UGCG: variants seen among roughly 807,000 people sequenced by gnomAD.
UGCG encodes ceramide glucosyltransferase.
A neutral mutation model predicts 49.5 loss-of-function variants in UGCG; 10 were observed. The observed-to-expected ratio is 0.20, with a 90% confidence interval of 0.12 to 0.34. The LOEUF (loss-of-function observed/expected upper bound fraction) is 0.34, where lower values mean the gene tolerates loss of function less well. Ranked by LOEUF, UGCG falls within the 10% of genes least tolerant of loss-of-function variation. UGCG has a pLI of 1.00. For missense variants in UGCG, 312 were observed against 483.7 expected, an observed-to-expected ratio of 0.65 and a Z score of 3.33; for synonymous variants, 182 against 158.2, an observed-to-expected ratio of 1.15 and a Z score of -1.13.
In UGCG at chr9:111,897,151, CT is replaced by C. The variant is rs1305548149; in HGVS notation, c.-64del. The C allele has an allele frequency of 6.8e-7, 1 of 1,464,820 alleles. No homozygotes were observed. Among genetic ancestry groups the C allele is most frequent in the African/African-American group, 1.4e-5 (1 of 70,748 alleles). 90.7% of individuals were successfully genotyped at this position (1,464,820 alleles called of 1,614,324 possible). A position where few individuals can be genotyped will look rare whatever the true frequency, so the allele number is the denominator to read the frequency against. On this transcript the variant is annotated 5_prime_UTR_variant, in exon 1 of 9. Coordinates refer to ENST00000374279, the MANE Select transcript of UGCG (RefSeq NM_003358.3). ...CGCACCGGGCGCCCACCCTGTCCTC[CT>C]CCTGCGGGAGCGTTGTCCGTGTTGG...
chr9:111,932,601 CAGTG>C (rs1169608844), intron 8 of UGCG, among the ~76,000 whole-genome samples: 3 of 152,144 alleles, frequency 2.0e-5, no homozygotes, highest in Admixed American at 1.3e-4. Flanking sequence ...TTAATTAAAT[CAGTG>C]AGTATTGAAA....
At chr9:111,898,778 A>G (rs1837713264) in intron 1 of UGCG, among the ~76,000 whole-genome samples, 1 of 152,140 alleles carries the variant, frequency 6.6e-6, no homozygotes, top group South Asian at 2.1e-4. Context: ...TTTTGTGACT[A>G]TCCTTCCAAT....
intron 1 of UGCG, 117 bp from the exon 2 acceptor site, chr9:111,914,488 A>T (rs2118539246): frequency 9.6e-7 from 1 of 1,045,534 alleles, no homozygotes; most frequent in African/African-American, 1.6e-5. Flanking sequence ...TTTTAGAAAG[A>T]TGTCAAGTTT....
intron 2 of UGCG, among the ~76,000 whole-genome samples, chr9:111,921,559 G>A (rs576925933): frequency 6.6e-6 from 1 of 151,734 alleles, no homozygotes; most frequent in South Asian, 2.1e-4. Context: ...GCTGAGGCAG[G>A]CGAATCGATT....
chr9:111,922,969 T>C lies in UGCG; in HGVS notation c.343+18T>C. On this transcript the variant is annotated intron_variant, in intron 3 of 8. Coordinates refer to ENST00000374279, the MANE Select transcript of UGCG (RefSeq NM_003358.3). ...GTTTATAGGTAAGTAACAAATTCTG[T>C]AGTAACCATTTTCCATTGATAGTAT... 6.6e-7 allele frequency: 1 copy of C among 1,512,472 alleles called. No homozygotes were observed. The allele number at this position is 1,512,472 out of a possible 1,614,324, so 93.7% of individuals were successfully genotyped here.
At chr9:111,925,639 C>T (rs947987537) in intron 4 of UGCG, among the ~76,000 whole-genome samples, 2 of 152,152 alleles carry the variant, frequency 1.3e-5, no homozygotes, top group Admixed American at 1.3e-4. Context: ...TATTTAAGGT[C>T]CAAATACAAC....
rs796872781 is a variant in UGCG, at chr9:111,912,454, C to T, written c.99-2151C>T. ...GTTAGCTGGGCATGGTGGTGCATGC[C>T]TGTAATCCCAGCTACTTGGGAGGCT... On this transcript the variant is annotated intron_variant, in intron 1 of 8. Transcript: ENST00000374279. 1.2e-4 allele frequency among the ~76,000 whole-genome samples: 18 copies of T among 152,090 alleles called. 1 individual carries two copies. The highest frequency in any genetic ancestry group is 4.1e-4 in the African/African-American group (17 of 41,458).
intron 2 of UGCG, among the ~76,000 whole-genome samples, chr9:111,916,073 GT>G (rs1838105058): frequency 1.3e-5 from 2 of 151,880 alleles, no homozygotes; most frequent in Admixed American, 6.6e-5. Flanking sequence ...GTATATACTT[GT>G]TTTTTCAAAC....
chr9:111,911,949 TA>T (rs1474900267), intron 1 of UGCG, among the ~76,000 whole-genome samples: 4 of 38,678 alleles, frequency 1.0e-4, no homozygotes, highest in South Asian at 6.7e-4. Context: ...TATATATATA[TA>T]TATATATTCA....
At chr9:111,909,429 T>C (rs1207302957) in intron 1 of UGCG, among the ~76,000 whole-genome samples, 1 of 152,234 alleles carries the variant, frequency 6.6e-6, no homozygotes, top group Non-Finnish European at 1.5e-5. Context: ...TCCAACACAC[T>C]GGTCATGGCC....
At chr9:111,912,588 A>T (rs1227322841) in intron 1 of UGCG, among the ~76,000 whole-genome samples, 9 of 152,192 alleles carry the variant, frequency 5.9e-5, no homozygotes, top group African/African-American at 1.4e-4. Flanking sequence ...AAAAAAATAA[A>T]AAAAAAAAAA....
At chr9:111,908,463 T>A (rs1343706902) in intron 1 of UGCG, among the ~76,000 whole-genome samples, 7 of 152,236 alleles carry the variant, frequency 4.6e-5, no homozygotes, top group Non-Finnish European at 1.0e-4. Flanking sequence ...TCTGGGGTTC[T>A]GCTAATACTG....
At position 111,934,063 on chromosome 9, in the gene UGCG, T is replaced by C. The variant is rs1354567771; in HGVS notation, c.*1066T>C. On this transcript the variant is annotated 3_prime_UTR_variant, in exon 9 of 9. Transcript: ENST00000374279. The stretch of plus-strand genomic sequence containing the variant: ...GCCATCAATAAATTGCAGTAGAGTA[T>C]TAAGAGGGGACAGGATGAGTTTACT... 6.6e-6 allele frequency: 1 copy of C among 152,140 alleles called. No individual in the cohort carries two copies. Among genetic ancestry groups the C allele is most frequent in the Non-Finnish European group, 1.5e-5 (1 of 68,028 alleles). The allele number at this position is 152,140 out of a possible 1,614,324, so 9.4% of individuals were successfully genotyped here.
At chr9:111,920,782 A>G (rs934338967) in intron 2 of UGCG, among the ~76,000 whole-genome samples, 10 of 152,176 alleles carry the variant, frequency 6.6e-5, no homozygotes, top group African/African-American at 2.2e-4. Flanking sequence ...TATGCTTATC[A>G]TTGGAAGTAA....
chr9:111,931,806 T>TA (rs1191457042), intron 7 of UGCG, among the ~76,000 whole-genome samples: 3 of 152,040 alleles, frequency 2.0e-5, no homozygotes, highest in African/African-American at 7.2e-5. Context: ...GCGAGAGGAC[T>TA]GCTTGAGCCC....
intron 1 of UGCG, among the ~76,000 whole-genome samples, 157 bp from the exon 2 acceptor site, chr9:111,914,448 G>C (rs1458724705): frequency 6.6e-6 from 1 of 152,130 alleles, no homozygotes; most frequent in Non-Finnish European, 1.5e-5. Flanking sequence ...ATGCTTACCT[G>C]GTTCTACTTC....
intron 2 of UGCG, among the ~76,000 whole-genome samples, chr9:111,921,549 G>C (rs1322571986): frequency 1.3e-5 from 2 of 151,684 alleles, no homozygotes; most frequent in Non-Finnish European, 2.9e-5. Context: ...TGTTTGGGAG[G>C]CTGAGGCAGG....
intron 2 of UGCG, among the ~76,000 whole-genome samples, chr9:111,918,815 C>T (rs1838159898): frequency 6.6e-6 from 1 of 151,650 alleles, no homozygotes; most frequent in Non-Finnish European, 1.5e-5. Flanking sequence ...GTCCCAGCTA[C>T]TCGGGAGGCT....
intron 2 of UGCG, among the ~76,000 whole-genome samples, chr9:111,917,320 A>G (rs1838129614): frequency 6.6e-6 from 1 of 152,246 alleles, no homozygotes. Flanking sequence ...TACTTGGTGA[A>G]AACCAAATAC....
Sources: gnomAD v4.1 joint callset for allele counts (sites outside exome capture counted in the v4.1 genomes callset) on GRCh38, gnomAD v4.1.1 for gene constraint, MANE v1.5 for transcripts, NCBI Gene and HGNC (gene_info 2026-07-23, HGNC 2026-07-21) for gene names.